The following RAPGEFL1 variants were observed in gnomAD, a reference collection of about 807,000 sequenced individuals.
RAPGEFL1 encodes the protein rap guanine nucleotide exchange factor-like 1.
In RAPGEFL1, 31 loss-of-function variants were observed where a neutral mutation model predicts 64.4. The ratio of observed to expected loss-of-function variants is 0.48; its 90% confidence interval spans 0.36 to 0.65. The LOEUF (loss-of-function observed/expected upper bound fraction) is 0.65. Among genes scored for constraint, RAPGEFL1 ranks in the 30% least tolerant of loss-of-function variants. The pLI, the probability that RAPGEFL1 is intolerant of heterozygous loss-of-function variation, is 0.00. For synonymous variants in RAPGEFL1, 331 were observed against 274.1 expected (o/e 1.21, Z -2.05); for missense variants, 682 against 677.4 (o/e 1.01, Z -0.08).
intron 2 of RAPGEFL1, among the ~76,000 whole-genome samples, chr17:40,183,262 T>G (rs1276957259): frequency 6.6e-6 from 1 of 152,208 alleles, no homozygotes; most frequent in Non-Finnish European, 1.5e-5. Flanking sequence ...TTAGGCGCAC[T>G]GTGAGCTCCA....
At chr17:40,181,400 T>A in intron 1 of RAPGEFL1, 1 of 616,712 alleles carries the variant, frequency 1.6e-6, no homozygotes, top group East Asian at 3.3e-5. Context: ...TCCCTTCAGC[T>A]GCCTTGGCAG....
In RAPGEFL1 at chr17:40,190,427, C is replaced by T. The variant is rs767181748; in HGVS notation, c.1115-7C>T. 2 of 1,613,578 alleles carry T rather than the reference C, an allele frequency of 1.2e-6. No homozygotes were observed. Among genetic ancestry groups the T allele is most frequent in the Admixed American group, 3.3e-5 (2 of 59,988 alleles). On this transcript the variant is annotated splice_polypyrimidine_tract_variant and splice_region_variant and intron_variant, in intron 6 of 14. Transcript: ENST00000620260. Reference sequence around the variant, plus strand: ...GGGCCGAGGATGAGCAGCTCTTTCTCCTGCAGAGAAGGTCCTTCTCCAGCC... The same window carrying T: ...GGGCCGAGGATGAGCAGCTCTTTCTTCTGCAGAGAAGGTCCTTCTCCAGCC...
chr17:40,180,486 G>A (rs570749298), intron 1 of RAPGEFL1, among the ~76,000 whole-genome samples: 8 of 152,256 alleles, frequency 5.3e-5, no homozygotes, highest in African/African-American at 1.9e-4. Context: ...CTCCCAGGGT[G>A]TGTGGGAGGA....
Position 40,194,028 on chromosome 17 carries a change from G to C in RAPGEFL1, c.*240G>C. ...GGTTCCTGTCCCCTCTGAGAAAGGG[G>C]ATAGAAAGCTCCTTCCTCTATGTCC... On this transcript the variant is annotated 3_prime_UTR_variant, in exon 15 of 15. Transcript: ENST00000620260. The C allele has an allele frequency of 2.1e-6, 1 of 477,632 alleles. No individual in the cohort carries two copies. Among genetic ancestry groups the C allele is most frequent in the Non-Finnish European group, 3.8e-6 (1 of 263,614 alleles). 29.6% of individuals were successfully genotyped at this position (477,632 alleles called of 1,614,324 possible).
In RAPGEFL1 at chr17:40,184,671, G is replaced by A; in HGVS notation, c.826G>A (p.Glu276Lys). The change falls in exon 4 of 15, where the codon GAA (glutamate) becomes AAA (lysine). Residue 276 changes from glutamate (E) to lysine (K), a missense_variant. This residue lies in a region of RAPGEFL1 where 411 missense variants were observed against 519.4 expected (regional missense o/e 0.79). Coordinates refer to ENST00000620260, the MANE Select transcript of RAPGEFL1 (RefSeq NM_016339.6). ...LRLHQLVETVELKIPEENQPP... is the reference protein window; with the variant it reads ...LRLHQLVETVKLKIPEENQPP... ...GCTGCACCAGCTGGTGGAGACGGTG[G>A]AACTAAAGTGAGGGGGAGTGGGGCA... 1 of 1,568,004 alleles carries A rather than the reference G, an allele frequency of 6.4e-7. No individual in the cohort carries two copies. The highest frequency in any genetic ancestry group is 8.7e-7 in the Non-Finnish European group (1 of 1,146,296).
chr17:40,178,928 G>C (rs1419376881), intron 1 of RAPGEFL1, among the ~76,000 whole-genome samples: 1 of 152,188 alleles, frequency 6.6e-6, no homozygotes, highest in African/African-American at 2.4e-5. Flanking sequence ...TGGTGGGGGG[G>C]ATAGTATTCT....
intron 6 of RAPGEFL1, among the ~76,000 whole-genome samples, 163 bp from the exon 7 acceptor site, chr17:40,190,271 C>T (rs1303590679): frequency 6.6e-6 from 1 of 152,212 alleles, no homozygotes; most frequent in Non-Finnish European, 1.5e-5. Context: ...AATCATTTGA[C>T]AAATTCCAGA....
intron 1 of RAPGEFL1, among the ~76,000 whole-genome samples, chr17:40,180,799 G>A (rs1421692816): frequency 6.6e-6 from 1 of 152,242 alleles, no homozygotes. Context: ...CAGAAGCCTT[G>A]GTTTTGTCCT....
intron 8 of RAPGEFL1, 148 bp downstream of exon 8, chr17:40,190,910 C>T: frequency 7.6e-7 from 1 of 1,315,270 alleles, no homozygotes; most frequent in Non-Finnish European, 1.0e-6. Context: ...GTTCCCCCAT[C>T]TGAAAAAAAT....
At position 40,193,747 on chromosome 17, in the gene RAPGEFL1, C is replaced by T; in HGVS notation, c.1948C>T (p.Leu650Phe). 6.2e-7 allele frequency: 1 copy of T among 1,614,126 alleles called. No individual in the cohort carries two copies. The highest frequency in any genetic ancestry group is 8.5e-7 in the Non-Finnish European group (1 of 1,180,018). Residue 650 changes from leucine (L) to phenylalanine (F), a missense_variant, in exon 15 of 15, where the codon CTC becomes TTC. Coordinates refer to ENST00000620260, the MANE Select transcript of RAPGEFL1 (RefSeq NM_016339.6). Reference sequence around the variant, plus strand: ...TCAGGTCATCGACAACCAGAACCTCCTCTTCGAGCTCTCCTACAAGCTGGA... The same window carrying T: ...TCAGGTCATCGACAACCAGAACCTCTTCTTCGAGCTCTCCTACAAGCTGGA... ...QFQVIDNQNL[L>F]FELSYKLEAN...
intron 1 of RAPGEFL1, among the ~76,000 whole-genome samples, chr17:40,180,564 G>A (rs12103533): frequency 0.082 from 12,426 of 152,112 alleles, 1,213 homozygotes; most frequent in African/African-American, 0.23. Flanking sequence ...CCCTCTGACC[G>A]CTAGGTTTTA....
chr17:40,178,478 G>C lies in RAPGEFL1; in HGVS notation c.520+97G>C, dbSNP rs976081123. On this transcript the variant is annotated intron_variant, in intron 1 of 14. Coordinates refer to ENST00000620260, the MANE Select transcript of RAPGEFL1 (RefSeq NM_016339.6). ...TAGGGGTGGCGCCGTGCCGGGGCTT[G>C]GTTATAGGGTTGAGTGGTCCGCGGA... 21 of 443,366 alleles carry C rather than the reference G, an allele frequency of 4.7e-5. No individual in the cohort carries two copies. In the East Asian group the frequency reaches 7.1e-4, roughly 15 times the overall value. The allele number at this position is 443,366 out of a possible 1,614,324, so 27.5% of individuals were successfully genotyped here.
rs1255706718 is a variant in RAPGEFL1 at position 40,191,070 on chromosome 17, G to A, written c.1336-246G>A. On this transcript the variant is annotated intron_variant, in intron 8 of 14. Coordinates refer to ENST00000620260, the MANE Select transcript of RAPGEFL1 (RefSeq NM_016339.6). This position sits in a 1 kb window ranked among gnomAD's most constrained non-coding sequence, Gnocchi z 5.1. The stretch of plus-strand genomic sequence containing the variant: ...AATGCCTAGCAGATGGTTGTCTTGA[G>A]GATGTCAGCCGTGAGCGAATGCCTG... 3 of 591,616 alleles carry A rather than the reference G, an allele frequency of 5.1e-6. No homozygotes were observed. In the East Asian group the frequency reaches 8.8e-5, roughly 17 times the overall value. 36.6% of individuals were successfully genotyped at this position (591,616 alleles called of 1,614,324 possible).
In RAPGEFL1 at chr17:40,184,321, A is replaced by T. The variant is rs1204606607; in HGVS notation, c.707A>T (p.Glu236Val). ...FLDTYQGLLQ[E>V]EEGAGHIIKD... The stretch of plus-strand genomic sequence containing the variant: ...GACACCTACCAGGGGCTGCTTCAAG[A>T]GGAAGAGGGGGCCGGCCACATCATC... Residue 236 changes from glutamate to valine, a missense_variant, in exon 3 of 15, where the codon GAG (glutamate) becomes GTG (valine). Glu to Val is a moderately radical substitution (Grantham distance 121). This residue lies in a region of RAPGEFL1 where 271 missense variants were observed against 158.0 expected (regional missense o/e 1.72). Coordinates refer to ENST00000620260, the MANE Select transcript of RAPGEFL1 (RefSeq NM_016339.6). The T allele has an allele frequency of 6.2e-7, 1 of 1,613,024 alleles. No individual in the cohort carries two copies. The highest frequency in any genetic ancestry group is 8.5e-7 in the Non-Finnish European group (1 of 1,179,676).
intron 4 of RAPGEFL1, among the ~76,000 whole-genome samples, chr17:40,187,320 C>G (rs1414094978): frequency 1.3e-5 from 2 of 152,140 alleles, no homozygotes; most frequent in African/African-American, 4.8e-5. Flanking sequence ...CTTGTCCCCA[C>G]CACCACAACC....
At position 40,191,214 on chromosome 17, in the gene RAPGEFL1, G is replaced by C; in HGVS notation, c.1336-102G>C. The C allele has an allele frequency of 4.9e-5, 36 of 735,920 alleles. No homozygotes were observed. Among genetic ancestry groups the C allele is most frequent in the Non-Finnish European group, 4.1e-5 (21 of 506,560 alleles). The allele number at this position is 735,920 out of a possible 1,614,324, so 45.6% of individuals were successfully genotyped here. On this transcript the variant is annotated intron_variant, in intron 8 of 14. Coordinates refer to ENST00000620260, the MANE Select transcript of RAPGEFL1 (RefSeq NM_016339.6). The surrounding 1 kb of genome is among the most constrained non-coding windows in gnomAD (Gnocchi z 5.1). ...TCTATTTTCCACCCCTTCCGCCCCCGCCCTCCTGCCTTTCGCTCCTCATCG... is the reference window on the plus strand; with the variant it reads ...TCTATTTTCCACCCCTTCCGCCCCCCCCCTCCTGCCTTTCGCTCCTCATCG...
chr17:40,190,956 G>A, intron 8 of RAPGEFL1, 194 bp downstream of exon 8: 1 of 754,838 alleles, frequency 1.3e-6, no homozygotes, highest in Non-Finnish European at 2.1e-6. Flanking sequence ...AGTGGCTCAG[G>A]GCCCAAGTGC....
intron 6 of RAPGEFL1, 77 bp downstream of exon 6, chr17:40,189,452 G>C: frequency 1.3e-6 from 2 of 1,501,210 alleles, no homozygotes; most frequent in Non-Finnish European, 1.8e-6. Flanking sequence ...GAGGGGTAGA[G>C]ACTGAATTCT....
chr17:40,178,104 T>G lies in RAPGEFL1; in HGVS notation c.243T>G (p.Pro81=). The G allele has an allele frequency of 1.7e-6, 1 of 579,526 alleles. No individual in the cohort carries two copies. Among genetic ancestry groups the G allele is most frequent in the Non-Finnish European group, 3.0e-6 (1 of 330,970 alleles). The allele number at this position is 579,526 out of a possible 1,614,324, so 35.9% of individuals were successfully genotyped here. A position where few individuals can be genotyped will look rare whatever the true frequency, so the allele number is the denominator to read the frequency against. ...PPAEPGLEPP[P]EEEGGEPAGV... ...CCGAGCCGGGGCTGGAGCCGCCCCC[T>G]GAGGAGGAAGGAGGAGAGCCGGCGG... The change falls in exon 1 of 15, where the codon CCT becomes CCG. Residue 81 remains proline, a synonymous_variant. Coordinates refer to ENST00000620260, the MANE Select transcript of RAPGEFL1 (RefSeq NM_016339.6).
Sources: gnomAD v4.1 joint callset for allele counts (sites outside exome capture counted in the v4.1 genomes callset) on GRCh38, gnomAD v4.1.1 for gene constraint, gnomAD v4.1.1 regional missense constraint, Gnocchi (gnomAD v3.1) non-coding constraint, MANE v1.5 for transcripts, NCBI Gene and HGNC (gene_info 2026-07-23, HGNC 2026-07-21) for gene names.